MLLT10: variants seen among roughly 807,000 people sequenced by gnomAD.
MLLT10 encodes protein AF-10.
A neutral mutation model predicts 129.1 loss-of-function variants in MLLT10; 30 were observed. The ratio of observed to expected loss-of-function variants is 0.23; its 90% CI spans 0.17 to 0.32. The LOEUF (loss-of-function observed/expected upper bound fraction) is 0.32. Ranked by LOEUF, MLLT10 falls within the 10% of genes least tolerant of loss-of-function variation. MLLT10 has a pLI of 1.00. For synonymous variants in MLLT10, 490 were observed against 446.4 expected (o/e 1.10, Z -1.23); for missense variants, 1,119 against 1,268.3 (o/e 0.88, Z 1.79).
chr10:21,673,522 AG>A lies in MLLT10; in HGVS notation c.1231del (p.Val411Ter), dbSNP rs747811015. 3.1e-6 allele frequency: 5 copies of A among 1,613,532 alleles called. No homozygotes were observed. The highest frequency in any genetic ancestry group is 4.2e-6 in the Non-Finnish European group (5 of 1,179,884). On this transcript the variant is annotated frameshift_variant, in exon 11 of 23. Coordinates refer to ENST00000307729, the MANE Select transcript of MLLT10 (RefSeq NM_001195626.3). LOFTEE classifies it high-confidence loss of function. ...ATAAAGGAGAGTCTGGAAGCCAGGAAGGGGGGGTAAATAGTTTTAGTACCTT... is the reference window on the plus strand; with the variant it reads ...ATAAAGGAGAGTCTGGAAGCCAGGAAGGGGGGTAAATAGTTTTAGTACCTT... ...VHKGESGSQE[G>X]GVNSFSTLIG...
chr10:21,624,946 C>G, intron 8 of MLLT10: 1 of 1,315,042 alleles, frequency 7.6e-7, no homozygotes, highest in Non-Finnish European at 1.1e-6. Context: ...GCTCCCCTCC[C>G]CCTTGGTGGT....
At chr10:21,700,572 C>A (rs906211758) in intron 13 of MLLT10, among the ~76,000 whole-genome samples, 3 of 151,952 alleles carry the variant, frequency 2.0e-5, no homozygotes, top group African/African-American at 7.3e-5. Context: ...TAATATGAAG[C>A]GATGTTGAAT....
chr10:21,573,564 C>A (rs1375643522), intron 3 of MLLT10, among the ~76,000 whole-genome samples: 1 of 151,464 alleles, frequency 6.6e-6, no homozygotes, highest in African/African-American at 2.4e-5. Context: ...AAATGTTACG[C>A]TAAATGCCAT....
At chr10:21,741,114 T>C (rs1458076040) in intron 22 of MLLT10, among the ~76,000 whole-genome samples, 1 of 152,236 alleles carries the variant, frequency 6.6e-6, no homozygotes, top group East Asian at 1.9e-4. Flanking sequence ...ACGAGAATTA[T>C]TCAAAATAGA....
At chr10:21,646,242 A>G (rs1458935974) in intron 8 of MLLT10, among the ~76,000 whole-genome samples, 3 of 152,132 alleles carry the variant, frequency 2.0e-5, no homozygotes, top group Admixed American at 6.6e-5. Flanking sequence ...CCTCTCCTGT[A>G]TAACTGTCTT....
Position 21,730,783 on chromosome 10 carries a change from A to G in MLLT10, c.2064-117A>G, listed in dbSNP as rs531933430. ...AATCCAGGAACCTGATACTTCTGGCATAGGCAGCCTGGTGTTATAAAACTC... is the reference window on the plus strand; with the variant it reads ...AATCCAGGAACCTGATACTTCTGGCGTAGGCAGCCTGGTGTTATAAAACTC... On this transcript the variant is annotated intron_variant, in intron 16 of 22. Transcript: ENST00000307729. The G allele has an allele frequency of 3.0e-6, 3 of 1,001,616 alleles. No homozygotes were observed. The African/African-American group carries it at 4.9e-5, about 16-fold the overall frequency. The allele number at this position is 1,001,616 out of a possible 1,614,324, so 62.0% of individuals were successfully genotyped here. A position where few individuals can be genotyped will look rare whatever the true frequency, so the allele number is the denominator to read the frequency against.
intron 3 of MLLT10, among the ~76,000 whole-genome samples, chr10:21,580,894 A>G (rs1201360680): frequency 9.4e-6 from 1 of 106,748 alleles, no homozygotes; most frequent in Non-Finnish European, 1.8e-5. Flanking sequence ...TTTTTTTTTT[A>G]GTAGAGACGG....
intron 8 of MLLT10, among the ~76,000 whole-genome samples, chr10:21,632,283 A>AT (rs969372908): frequency 1.1e-3 from 162 of 152,286 alleles, no homozygotes; most frequent in African/African-American, 3.6e-3. Flanking sequence ...TAATAGAGTT[A>AT]TTTTTTGCAA....
intron 8 of MLLT10, among the ~76,000 whole-genome samples, chr10:21,622,686 A>G (rs537596700): frequency 7.2e-5 from 11 of 152,352 alleles, no homozygotes; most frequent in South Asian, 4.1e-4. Context: ...CTGCTGTTCT[A>G]TAAGTTCACT....
In MLLT10 at chr10:21,624,892, G is replaced by A. The variant is rs567495252; in HGVS notation, c.699+7685G>A. On this transcript the variant is annotated intron_variant, in intron 8 of 22. Coordinates refer to ENST00000307729, the MANE Select transcript of MLLT10 (RefSeq NM_001195626.3). ...CTACAGCCTCGTGGTGGTCCCAAAG[G>A]TGCCCCCTTTTGTGAATAGCCAGCT... The A allele has an allele frequency of 4.9e-6, 6 of 1,212,792 alleles. No individual in the cohort carries two copies. In the African/African-American group the frequency reaches 6.1e-5, roughly 12 times the overall value. 75.1% of individuals were successfully genotyped at this position (1,212,792 alleles called of 1,614,324 possible).
chr10:21,611,228 C>T (rs1015019786), intron 5 of MLLT10, among the ~76,000 whole-genome samples: 6 of 149,042 alleles, frequency 4.0e-5, no homozygotes, highest in South Asian at 4.2e-4. Context: ...AGGCTGGTCT[C>T]GAACTCCTGA....
intron 11 of MLLT10, among the ~76,000 whole-genome samples, chr10:21,677,838 T>C (rs1332812464): frequency 6.6e-6 from 1 of 152,232 alleles, no homozygotes; most frequent in Non-Finnish European, 1.5e-5. Context: ...TGTAAGCACC[T>C]GTTGTTTAAA....
rs878993054 is a variant in MLLT10 at position 21,717,716 on chromosome 10, T to TTCCTCCTCC, written c.1878+3778_1878+3786dup. Among the ~76,000 whole-genome samples the TTCCTCCTCC allele has an allele frequency of 2.1e-3, 36 of 17,466 alleles. 5 individuals carry two copies. The highest frequency in any genetic ancestry group is 8.1e-3 in the South Asian group (2 of 248). The allele number at this position is 17,466 out of a possible 152,430, so 11.5% of individuals were successfully genotyped here. A position where few individuals can be genotyped will look rare whatever the true frequency, so the allele number is the denominator to read the frequency against. ...CCTCCTCCTCTTCCTCCTCCTCCTC[T>TTCCTCCTCC]TCCTCCTCCTCCTCCTCCTCTTCCT... On this transcript the variant is annotated intron_variant, in intron 14 of 22. Transcript: ENST00000307729.
chr10:21,717,370 A>G (rs1176576216), intron 14 of MLLT10, among the ~76,000 whole-genome samples: 1 of 119,694 alleles, frequency 8.4e-6, no homozygotes, highest in African/African-American at 3.2e-5. Flanking sequence ...TTGTGCTGGG[A>G]AAAGGAGATA....
At position 21,587,186 on chromosome 10, in the gene MLLT10, G is replaced by A. The variant is rs538093806; in HGVS notation, c.295+838G>A. Among the ~76,000 whole-genome samples, 4 of 152,006 alleles carry A rather than the reference G, an allele frequency of 2.6e-5. No individual in the cohort carries two copies. In the South Asian group the frequency reaches 8.3e-4, roughly 32 times the overall value. On this transcript the variant is annotated intron_variant, in intron 4 of 22. Coordinates refer to ENST00000307729, the MANE Select transcript of MLLT10 (RefSeq NM_001195626.3). ...AGGCCAAGGTAGGAGGCTCACTGGA[G>A]CATAGGAGTCTGAGACCATCCTGGG...
intron 14 of MLLT10, among the ~76,000 whole-genome samples, chr10:21,725,433 T>C (rs1029020619): frequency 2.0e-5 from 3 of 152,148 alleles, no homozygotes; most frequent in African/African-American, 4.8e-5. Flanking sequence ...AAATTTGTAG[T>C]TATGGCCAGG....
chr10:21,716,718 C>T (rs1195801454), intron 14 of MLLT10, among the ~76,000 whole-genome samples: 2 of 151,318 alleles, frequency 1.3e-5, no homozygotes, highest in African/African-American at 2.4e-5. Flanking sequence ...AAAAGTAATT[C>T]TAGAAGTCTT....
rs568937064 is a variant in MLLT10 at position 21,743,451 on chromosome 10, G to A, written c.*1468G>A. ...GGGGAATTTTAAAGTCAAATCTTTT[G>A]TAGATAATTTAAAAAATCAGTGTGG... On this transcript the variant is annotated 3_prime_UTR_variant, in exon 23 of 23. Transcript: ENST00000307729. The A allele has an allele frequency of 5.2e-6, 1 of 191,732 alleles. No homozygotes were observed. The highest frequency in any genetic ancestry group is 1.1e-5 in the Non-Finnish European group (1 of 91,544). The allele number at this position is 191,732 out of a possible 1,614,324, so 11.9% of individuals were successfully genotyped here. A position where few individuals can be genotyped will look rare whatever the true frequency, so the allele number is the denominator to read the frequency against.
intron 6 of MLLT10, among the ~76,000 whole-genome samples, chr10:21,612,882 T>C (rs1469258224): frequency 6.6e-6 from 1 of 152,096 alleles, no homozygotes; most frequent in Non-Finnish European, 1.5e-5. Context: ...AATGGCGACT[T>C]CACAAAAACT....
Sources: allele counts gnomAD v4.1 joint callset (sites outside exome capture counted in the v4.1 genomes callset), GRCh38; gene constraint gnomAD v4.1.1; transcripts MANE v1.5; gene names NCBI Gene and HGNC (gene_info 2026-07-23, HGNC 2026-07-21).